Variants in CSMD1 observed in about 807,000 individuals in gnomAD.
CSMD1 encodes CUB and sushi domain-containing protein 1.
CSMD1 carries 213 observed loss-of-function variants against 417.5 expected under a neutral mutation model. The ratio of observed to expected loss-of-function variants is 0.51; its 90% CI spans 0.46 to 0.57. The LOEUF is 0.57. CSMD1 is among the 20% of genes least tolerant of loss of function. The pLI is 0.00. For synonymous variants in CSMD1, 2,862 were observed against 1,736.8 expected (o/e 1.65, Z -16.11); for missense variants, 6,923 against 4,529.7 (o/e 1.53, Z -15.17).
At chr8:4,445,705 A>T (rs565064155) in intron 2 of CSMD1, among the ~76,000 whole-genome samples, 9 of 152,288 alleles carry the variant, frequency 5.9e-5, no homozygotes, top group Admixed American at 3.3e-4. Context: ...CTTGGAAGGA[A>T]TTTCTATTTG....
intron 3 of CSMD1, among the ~76,000 whole-genome samples, chr8:4,163,413 G>C (rs375956218): frequency 2.6e-5 from 4 of 152,082 alleles, no homozygotes; most frequent in Non-Finnish European, 4.4e-5. Context: ...TGGTGTTATG[G>C]ATTTTGGCCA....
rs1278177409 is a variant in CSMD1, at chr8:3,354,862, TATAG to T, written c.3304+4286_3304+4289del. ...AGATACACTAAACCCTCTCCCTATA[TATAG>T]ATATACATATATCTATAGATATGTC... On this transcript the variant is annotated intron_variant, in intron 21 of 69. Coordinates refer to ENST00000635120, the MANE Select transcript of CSMD1 (RefSeq NM_033225.6). 9.0e-5 allele frequency among the ~76,000 whole-genome samples: 13 copies of T among 145,104 alleles called. 1 individual carries two copies. Among genetic ancestry groups the T allele is most frequent in the African/African-American group, 2.8e-4 (10 of 35,706 alleles).
chr8:3,637,511 CAA>C (rs1554495633), intron 7 of CSMD1, among the ~76,000 whole-genome samples: 1 of 151,594 alleles, frequency 6.6e-6, no homozygotes, highest in African/African-American at 2.4e-5. Flanking sequence ...ATAAAATATA[CAA>C]AACTACCTGA....
chr8:2,995,957 G>A (rs192874553), intron 54 of CSMD1, among the ~76,000 whole-genome samples: 14 of 152,114 alleles, frequency 9.2e-5, no homozygotes, highest in Non-Finnish European at 2.9e-5. Context: ...TAGTGATAAT[G>A]GACATTCTCC....
At chr8:4,935,924 C>T (rs897728331) in intron 1 of CSMD1, among the ~76,000 whole-genome samples, 2 of 152,186 alleles carry the variant, frequency 1.3e-5, no homozygotes, top group Non-Finnish European at 2.9e-5. Flanking sequence ...TCCTGGATGC[C>T]ACGCTGCCGC....
chr8:4,694,799 T>C (rs770747949), intron 1 of CSMD1, among the ~76,000 whole-genome samples: 1 of 152,132 alleles, frequency 6.6e-6, no homozygotes, highest in African/African-American at 2.4e-5. Context: ...GTCCTTAACC[T>C]TGGCAAAATA....
rs1473278315 is a variant in CSMD1, at chr8:4,146,593, CATTTTTTTTTTTTTTTT to C, written c.416-114511_416-114495del. On this transcript the variant is annotated intron_variant, in intron 3 of 69. Coordinates refer to ENST00000635120, the MANE Select transcript of CSMD1 (RefSeq NM_033225.6). ...ATCTGTCTAAATGTTTATATGGACA[CATTTTTTTTTTTTTTTT>C]TTTTTTTTTTTTTTTTTTTGAGACA... Among the ~76,000 whole-genome samples, 568 of 90,750 alleles carry C rather than the reference CATTTTTTTTTTTTTTTT, an allele frequency of 6.3e-3. 35 individuals carry two copies. Among genetic ancestry groups the C allele is most frequent in the Middle Eastern group, 7.1e-3 (1 of 140 alleles). 59.5% of individuals were successfully genotyped at this position (90,750 alleles called of 152,430 possible).
At position 2,987,906 on chromosome 8, in the gene CSMD1, T is replaced by A. The variant is rs188397362; in HGVS notation, c.8378-9106A>T. 1.1e-4 allele frequency among the ~76,000 whole-genome samples: 17 copies of A among 152,336 alleles called. No homozygotes were observed. The East Asian group carries it at 2.9e-3, about 26-fold the overall frequency. On this transcript the variant is annotated intron_variant, in intron 54 of 69. Coordinates refer to ENST00000635120, the MANE Select transcript of CSMD1 (RefSeq NM_033225.6). Reference sequence around the variant, plus strand: ...ATCACTGCAATTGGTTCATTTAAGTTCTGCCATACATGTGCAGGATGTGCA... The same window carrying A: ...ATCACTGCAATTGGTTCATTTAAGTACTGCCATACATGTGCAGGATGTGCA...
intron 3 of CSMD1, among the ~76,000 whole-genome samples, chr8:4,391,308 G>A (rs1282629070): frequency 2.0e-5 from 3 of 152,194 alleles, no homozygotes; most frequent in African/African-American, 7.2e-5. Context: ...CTTCTCTTAA[G>A]ACATGGTGTG....
chr8:4,962,465 C>G (rs974638170), intron 1 of CSMD1, among the ~76,000 whole-genome samples: 9 of 152,106 alleles, frequency 5.9e-5, no homozygotes, highest in African/African-American at 2.2e-4. Flanking sequence ...CCCACCTAGG[C>G]CATCTAAAGC....
At position 3,889,147 on chromosome 8, in the gene CSMD1, G is replaced by A. The variant is rs116312184; in HGVS notation, c.818+108756C>T. On this transcript the variant is annotated intron_variant, in intron 5 of 69. Coordinates refer to ENST00000635120, the MANE Select transcript of CSMD1 (RefSeq NM_033225.6). ...TCCCAATGATTCAGATGAAAAATCA[G>A]TGTTTAGAAAACAAAATGAAGTGTG... is the stretch of plus-strand genomic sequence containing the variant. Among the ~76,000 whole-genome samples the A allele has an allele frequency of 7.5e-3, 1,145 of 151,920 alleles. 15 individuals carry two copies. The highest frequency in any genetic ancestry group is 0.026 in the African/African-American group (1,073 of 41,472).
intron 3 of CSMD1, among the ~76,000 whole-genome samples, chr8:4,119,164 G>A (rs1802335089): frequency 6.6e-6 from 1 of 151,958 alleles, no homozygotes; most frequent in Admixed American, 6.6e-5. Flanking sequence ...CCTAGATGAT[G>A]GTTTGATAGG....
intron 2 of CSMD1, among the ~76,000 whole-genome samples, chr8:4,604,643 A>C (rs991627611): frequency 6.6e-6 from 1 of 152,214 alleles, no homozygotes; most frequent in Non-Finnish European, 1.5e-5. Context: ...AATGAAATGG[A>C]ATCAGAACAT....
At chr8:4,503,122 G>A (rs1154099) in intron 2 of CSMD1, among the ~76,000 whole-genome samples, 104,894 of 151,618 alleles carry the variant, frequency 0.69, 36,731 homozygotes, top group African/African-American at 0.82. Flanking sequence ...AGAACTATGT[G>A]TAATGGATAT....
intron 3 of CSMD1, among the ~76,000 whole-genome samples, chr8:4,082,764 CT>C (rs1800208930): frequency 9.0e-6 from 1 of 111,344 alleles, no homozygotes; most frequent in African/African-American, 3.5e-5. Context: ...TCCCTCCCCC[CT>C]CCCCCCACCC....
intron 3 of CSMD1, among the ~76,000 whole-genome samples, chr8:4,158,610 C>G (rs906401126): frequency 1.3e-5 from 2 of 152,060 alleles, no homozygotes; most frequent in African/African-American, 4.8e-5. Flanking sequence ...TTTTCTGGCC[C>G]AGAAATGATA....
In CSMD1 at chr8:4,031,963, G is replaced by A. The variant is rs777150683; in HGVS notation, c.552C>T (p.Thr184=). ...GYILEGHAIL[T]CIVSPGNGAS... ...CACCATTTCCTGGGCTGACGATGCA[G>A]GTCAGGATGGCGTGGCCTTCCAAGA... The change falls in exon 4 of 70, where the codon ACC becomes ACT. Residue 184 remains threonine (T), a synonymous_variant. Transcript: ENST00000635120. The A allele has an allele frequency of 2.1e-5, 34 of 1,613,978 alleles. 1 individual carries two copies. The South Asian group carries it at 3.3e-4, about 16-fold the overall frequency.
chr8:4,748,970 G>T (rs1447948046), intron 1 of CSMD1, among the ~76,000 whole-genome samples: 1 of 152,186 alleles, frequency 6.6e-6, no homozygotes, highest in African/African-American at 2.4e-5. Flanking sequence ...CTTCTAATAA[G>T]TTCTAAGCTA....
At chr8:4,477,536 T>C (rs185080362) in intron 2 of CSMD1, among the ~76,000 whole-genome samples, 36 of 152,354 alleles carry the variant, frequency 2.4e-4, no homozygotes, top group African/African-American at 8.7e-4. Context: ...CACGATGCTC[T>C]ATGACACACA....
Sources: allele counts gnomAD v4.1 joint callset (sites outside exome capture counted in the v4.1 genomes callset), GRCh38; gene constraint gnomAD v4.1.1; transcripts MANE v1.5; gene names NCBI Gene and HGNC (gene_info 2026-07-23, HGNC 2026-07-21).